The following SYNE2 variants were observed in gnomAD, a reference collection of about 807,000 sequenced individuals.
SYNE2 encodes spectrin repeat containing nuclear envelope protein 2.
SYNE2 carries 431 observed loss-of-function variants against 856.3 expected under a neutral mutation model. That is an observed-to-expected ratio of 0.50 (90% CI 0.47 to 0.55). The LOEUF (loss-of-function observed/expected upper bound fraction) is 0.55. SYNE2 is among the 20% of genes least tolerant of loss of function. SYNE2 has a pLI of 0.00. For synonymous variants in SYNE2, 2,923 were observed against 2,872.3 expected, an observed-to-expected ratio of 1.02 and a Z score of -0.56; for missense variants, 8,129 against 8,023.2, an observed-to-expected ratio of 1.01 and a Z score of -0.50.
chr14:64,128,565 A>G lies in SYNE2; in HGVS notation c.14019+12A>G. The G allele has an allele frequency of 6.6e-7, 1 of 1,520,044 alleles. No individual in the cohort carries two copies. Among genetic ancestry groups the G allele is most frequent in the Non-Finnish European group, 9.1e-7 (1 of 1,094,386 alleles). 94.2% of individuals were successfully genotyped at this position (1,520,044 alleles called of 1,614,324 possible). On this transcript the variant is annotated intron_variant, in intron 74 of 115. Coordinates refer to ENST00000555002, the MANE Select transcript of SYNE2 (RefSeq NM_182914.3). ...CTGAACAGCTTCAGGTAATCAAGTC[A>G]AAATAATTCAGACTGACTTAACTTT...
chr14:64,012,336 A>C (rs573339033), intron 32 of SYNE2, among the ~76,000 whole-genome samples: 1 of 152,272 alleles, frequency 6.6e-6, no homozygotes, highest in South Asian at 2.1e-4. Context: ...CTTATCCTCT[A>C]TTCTCTGTGT....
chr14:63,847,842 A>T (rs1190201172), intron 1 of SYNE2, among the ~76,000 whole-genome samples: 2 of 149,384 alleles, frequency 1.3e-5, no homozygotes, highest in Non-Finnish European at 3.0e-5. Flanking sequence ...CACCTTGGCC[A>T]CCCAAAGTGC....
rs137995441 is a variant in SYNE2 at position 64,175,203 on chromosome 14, G to A, written c.17430+65G>A. ...TTCAGTACATAGATTTTCATTTGTG[G>A]TGTGAAAATGGAAATGGTTTTAGGA... On this transcript the variant is annotated intron_variant, in intron 95 of 115. Transcript: ENST00000555002. The A allele has an allele frequency of 9.9e-4, 1,558 of 1,576,464 alleles. 10 individuals carry two copies. The African/African-American group carries it at 0.018, about 19-fold the overall frequency.
Position 64,091,039 on chromosome 14 carries a change from G to C in SYNE2, c.11967G>C (p.Glu3989Asp). ...LLENVTQEQNELLKVVIKQTN... is the reference protein window; with the variant it reads ...LLENVTQEQNDLLKVVIKQTN... ...AAAATGTGACTCAAGAACAAAATGA[G>C]TTATTAAAGGTAAGCAGTTTCTGAT... is the stretch of plus-strand genomic sequence containing the variant. The change falls in exon 60 of 116, where the codon GAG becomes GAC. Residue 3989 changes from glutamate to aspartate, a missense_variant. Transcript: ENST00000555002. 6.2e-7 allele frequency: 1 copy of C among 1,613,936 alleles called. No homozygotes were observed. The highest frequency in any genetic ancestry group is 2.2e-5 in the East Asian group (1 of 44,872).
At chr14:63,814,441 T>TATATATAATATATATCCTTATATATC (rs1888751035) in intron 1 of SYNE2, among the ~76,000 whole-genome samples, 2 of 142,638 alleles carry the variant, frequency 1.4e-5, no homozygotes, top group Non-Finnish European at 3.0e-5. Flanking sequence ...TATATATCCA[T>TATATATAATATATATCCTTATATATC]ATATATAATA....
chr14:63,928,122 C>T (rs550946613), intron 2 of SYNE2, among the ~76,000 whole-genome samples: 1 of 151,204 alleles, frequency 6.6e-6, no homozygotes. Context: ...GAAGTAGATA[C>T]CAGAGCTATG....
At chr14:64,030,932 G>A in intron 44 of SYNE2, 84 bp from the exon 45 acceptor site, 1 of 1,077,168 alleles carries the variant, frequency 9.3e-7, no homozygotes, top group Non-Finnish European at 1.4e-6. Context: ...TACTGGTGAA[G>A]CAAGAGTACT....
chr14:63,968,111 C>T (rs1378057816), intron 11 of SYNE2, among the ~76,000 whole-genome samples: 6 of 151,980 alleles, frequency 3.9e-5, no homozygotes, highest in South Asian at 4.1e-4. Flanking sequence ...TGCAGTGAGC[C>T]GGGATCGTAC....
intron 52 of SYNE2, among the ~76,000 whole-genome samples, chr14:64,071,965 C>T (rs1255962): frequency 0.78 from 118,291 of 152,148 alleles, 47,039 homozygotes; most frequent in Non-Finnish European, 0.87. Flanking sequence ...TTGCAGTGAG[C>T]TGAGATCATG....
At chr14:64,116,764 A>G (rs1257800424) in intron 66 of SYNE2, among the ~76,000 whole-genome samples, 2 of 152,180 alleles carry the variant, frequency 1.3e-5, no homozygotes, top group African/African-American at 4.8e-5. Context: ...CAAATGAGAA[A>G]AATAATTATA....
intron 61 of SYNE2, among the ~76,000 whole-genome samples, chr14:64,096,382 C>T (rs1355444258): frequency 6.6e-6 from 1 of 152,134 alleles, no homozygotes; most frequent in Non-Finnish European, 1.5e-5. Context: ...GTGTAAAAGG[C>T]AAATAACATT....
intron 86 of SYNE2, 78 bp downstream of exon 86, chr14:64,158,873 C>T (rs922135576): frequency 6.8e-7 from 1 of 1,469,260 alleles, no homozygotes; most frequent in Non-Finnish European, 9.5e-7. Flanking sequence ...ACGGGCATAA[C>T]TGTGTTTGTG....
chr14:64,218,550 G>A, intron 109 of SYNE2, 38 bp downstream of exon 109: 2 of 1,592,530 alleles, frequency 1.3e-6, no homozygotes, highest in Non-Finnish European at 1.7e-6. Flanking sequence ...GAGAGGCAGA[G>A]TATGGTATTT....
chr14:64,113,687 T>G (rs2097830959), intron 66 of SYNE2, 116 bp downstream of exon 66: 1 of 1,145,868 alleles, frequency 8.7e-7, no homozygotes, highest in South Asian at 1.3e-5. Flanking sequence ...ACCCTTACAT[T>G]TATCTTGGCC....
At chr14:64,101,888 A>G in intron 63 of SYNE2, 44 bp from the exon 64 acceptor site, 1 of 1,455,860 alleles carries the variant, frequency 6.9e-7, no homozygotes, top group South Asian at 1.1e-5. Context: ...TTATGACAGT[A>G]AGGGAAGCTC....
Position 64,053,204 on chromosome 14 carries a change from A to C in SYNE2, c.9291A>C (p.Leu3097Phe). ...LSQRIEKAKC[L>F]CDEIIKKLNE... is the part of the protein sequence containing the mutation. ...AGAGAATTGAGAAAGCCAAGTGTTTATGTGATGAGATAATAAAGAAATTAA... is the reference window on the plus strand; with the variant it reads ...AGAGAATTGAGAAAGCCAAGTGTTTCTGTGATGAGATAATAAAGAAATTAA... The change falls in exon 48 of 116, where the codon TTA becomes TTC. Residue 3097 changes from leucine to phenylalanine, a missense_variant. Physicochemically the swap from Leu to Phe is conservative, Grantham distance 22. Around this residue, in one of 3 missense-constraint regions of SYNE2, gnomAD observed 5,410 missense variants for 5,284.8 expected, o/e 1.02. Coordinates refer to ENST00000555002, the MANE Select transcript of SYNE2 (RefSeq NM_182914.3). The C allele has an allele frequency of 6.2e-7, 1 of 1,613,846 alleles. No individual in the cohort carries two copies. Among genetic ancestry groups the C allele is most frequent in the Non-Finnish European group, 8.5e-7 (1 of 1,179,898 alleles).
intron 1 of SYNE2, among the ~76,000 whole-genome samples, chr14:63,867,552 G>A (rs539640622): frequency 8.9e-4 from 136 of 152,092 alleles, no homozygotes; most frequent in African/African-American, 3.2e-3. Flanking sequence ...ACAAAAATTA[G>A]CCAGGTGTGG....
chr14:64,090,837 C>T, intron 59 of SYNE2, 29 bp from the exon 60 acceptor site: 3 of 1,597,112 alleles, frequency 1.9e-6, no homozygotes, highest in Non-Finnish European at 2.6e-6. Flanking sequence ...CTTTTCATTT[C>T]TGTAACATGC....
intron 2 of SYNE2, among the ~76,000 whole-genome samples, chr14:63,930,195 A>C (rs1378298293): frequency 1.3e-5 from 2 of 151,502 alleles, no homozygotes; most frequent in South Asian, 4.2e-4. Context: ...CTGAGGTGGG[A>C]GGATCACTTG....
Sources: allele counts gnomAD v4.1 joint callset (sites outside exome capture counted in the v4.1 genomes callset), GRCh38; gene constraint gnomAD v4.1.1; regional missense constraint gnomAD v4.1.1; transcripts MANE v1.5; gene names NCBI Gene and HGNC (gene_info 2026-07-23, HGNC 2026-07-21).